Variants in RNF43 observed in about 807,000 individuals in gnomAD.
RNF43 encodes the protein E3 ubiquitin-protein ligase RNF43.
In RNF43, 37 loss-of-function variants were observed where a neutral mutation model predicts 78.4. The observed-to-expected ratio is 0.47, with a 90% CI of 0.36 to 0.62. The LOEUF (loss-of-function observed/expected upper bound fraction) is 0.62. Among genes scored for constraint, RNF43 ranks in the 20% least tolerant of loss-of-function variants. The probability of loss-of-function intolerance (pLI) is 0.00; values close to 1 mark genes in which losing one functional copy is unlikely to be tolerated. For missense variants in RNF43, 774 were observed against 1,007.9 expected (o/e 0.77, Z 3.14); for synonymous variants, 347 against 395.0 (o/e 0.88, Z 1.44).
In RNF43 at chr17:58,357,683, G is replaced by C. The variant is rs1972718234; in HGVS notation, c.2093C>G (p.Pro698Arg). The C allele has an allele frequency of 1.2e-6, 2 of 1,612,624 alleles. No individual in the cohort carries two copies. The highest frequency in any genetic ancestry group is 2.2e-5 in the South Asian group (2 of 90,952). Reference protein sequence around the residue: ...VAYPWSPEAHPLICGPPGLDK... With the variant: ...VAYPWSPEAHRLICGPPGLDK... ...CAGGCCTGGAGGTCCACAGATCAAGGGGTGTGCCTCTGGGGACCAAGGATA... is the reference window on the plus strand; with the variant it reads ...CAGGCCTGGAGGTCCACAGATCAAGCGGTGTGCCTCTGGGGACCAAGGATA... The change falls in exon 9 of 10, where the codon CCC becomes CGC. Residue 698 changes from proline to arginine, a missense_variant. Pro to Arg is a moderately radical substitution (Grantham distance 103). Transcript: ENST00000407977. This position sits in a 1 kb window ranked among gnomAD's most constrained non-coding sequence, Gnocchi z 4.5.
At chr17:58,356,794 T>G (rs1202899532) in intron 9 of RNF43, among the ~76,000 whole-genome samples, 3 of 152,096 alleles carry the variant, frequency 2.0e-5, no homozygotes, top group African/African-American at 4.8e-5. Context: ...GAACTAATAC[T>G]GAGCTGTGAG....
intron 9 of RNF43, among the ~76,000 whole-genome samples, chr17:58,356,783 A>G (rs1260408265): frequency 1.3e-5 from 2 of 151,856 alleles, no homozygotes; most frequent in Non-Finnish European, 2.9e-5. Context: ...CTTTGTATTT[A>G]GAACTAATAC....
intron 3 of RNF43, among the ~76,000 whole-genome samples, chr17:58,369,449 T>C (rs563972072): frequency 2.0e-5 from 3 of 152,232 alleles, no homozygotes; most frequent in Admixed American, 6.5e-5. Flanking sequence ...TGTTTCCTTG[T>C]GCCCAGGAGA....
At chr17:58,390,899 G>A (rs528911706) in intron 2 of RNF43, among the ~76,000 whole-genome samples, 1 of 152,290 alleles carries the variant, frequency 6.6e-6, no homozygotes, top group East Asian at 1.9e-4. Flanking sequence ...TCTCCACACT[G>A]CTGTTCTTTC....
At chr17:58,409,253 T>A (rs1973975741) in intron 2 of RNF43, among the ~76,000 whole-genome samples, 1 of 152,226 alleles carries the variant, frequency 6.6e-6, no homozygotes, top group African/African-American at 2.4e-5. Flanking sequence ...CACCTGTTCT[T>A]ACGTGGCTCC....
chr17:58,367,616 C>T (rs142328472), intron 3 of RNF43, among the ~76,000 whole-genome samples: 2 of 152,188 alleles, frequency 1.3e-5, no homozygotes, highest in Non-Finnish European at 2.9e-5. Context: ...TGCACTAGTT[C>T]AGGCATGAGG....
downstream of RNF43, chr17:58,353,651 A>C (rs1972615225): frequency 4.7e-6 from 1 of 210,580 alleles, no homozygotes; most frequent in Non-Finnish European, 9.7e-6. Flanking sequence ...GTCACGACAG[A>C]ACAAAACCAC....
chr17:58,416,298 T>G (rs887011433), intron 1 of RNF43: 1 of 152,222 alleles, frequency 6.6e-6, no homozygotes, highest in Non-Finnish European at 1.5e-5. Flanking sequence ...CATACCATAA[T>G]TTTTTGTGTT....
intron 2 of RNF43, among the ~76,000 whole-genome samples, chr17:58,384,540 T>A (rs1973391552): frequency 6.6e-6 from 1 of 152,246 alleles, no homozygotes; most frequent in South Asian, 2.1e-4. Context: ...AAGTGCTTTA[T>A]AATCCTTCAT....
intron 2 of RNF43, among the ~76,000 whole-genome samples, chr17:58,372,474 C>T (rs1436530158): frequency 6.6e-6 from 1 of 152,198 alleles, no homozygotes; most frequent in Non-Finnish European, 1.5e-5. Flanking sequence ...GTTGTTCTTA[C>T]ATCAGTGAAG....
Position 58,382,262 on chromosome 17 carries a change from C to A in RNF43, c.253-11229G>T, listed in dbSNP as rs1290716555. Among the ~76,000 whole-genome samples the A allele has an allele frequency of 1.2e-4, 18 of 152,258 alleles. No homozygotes were observed. In the South Asian group the frequency reaches 3.7e-3, roughly 32 times the overall value. The stretch of plus-strand genomic sequence containing the variant: ...AAGTAGAATCTGAGCTCCTTGAGGT[C>A]AGGGACTAGGTCTTATTCATCACTT... On this transcript the variant is annotated intron_variant, in intron 2 of 9. Transcript: ENST00000407977.
chr17:58,413,815 C>T (rs1271283713), intron 2 of RNF43, among the ~76,000 whole-genome samples: 1 of 151,956 alleles, frequency 6.6e-6, no homozygotes, highest in Non-Finnish European at 1.5e-5. Flanking sequence ...CATAATTAGC[C>T]CACTGAACAT....
Position 58,358,341 on chromosome 17 carries a change from C to G in RNF43, c.1435G>C (p.Val479Leu), listed in dbSNP as rs778187327. Residue 479 changes from valine to leucine, a missense_variant, in exon 9 of 10, where the codon GTG becomes CTG. By Grantham distance (32) the Val-to-Leu change is conservative (BLOSUM62 1). Coordinates refer to ENST00000407977, the MANE Select transcript of RNF43 (RefSeq NM_017763.6). The surrounding 1 kb of genome is among the most constrained non-coding windows in gnomAD (Gnocchi z 6.2). ...GPCHGSSSDS[V>L]VNCTDISLQG... is the part of the protein sequence containing the mutation. ...AGGCTGATGTCCGTGCAGTTGACCACAGAGTCACTGGAAGAGCCATGACAG... is the reference window on the plus strand; with the variant it reads ...AGGCTGATGTCCGTGCAGTTGACCAGAGAGTCACTGGAAGAGCCATGACAG... The G allele has an allele frequency of 6.2e-7, 1 of 1,614,186 alleles. No individual in the cohort carries two copies. The highest frequency in any genetic ancestry group is 8.5e-7 in the Non-Finnish European group (1 of 1,180,024).
rs2143396306 is a variant in RNF43 at position 58,357,862 on chromosome 17, A to G, written c.1914T>C (p.Ser638=). 5 of 1,613,722 alleles carry G rather than the reference A, an allele frequency of 3.1e-6. No homozygotes were observed. The highest frequency in any genetic ancestry group is 4.2e-6 in the Non-Finnish European group (5 of 1,179,914). Residue 638 remains serine, a synonymous_variant, in exon 9 of 10, where the codon AGT becomes AGC. Transcript: ENST00000407977. This position sits in a 1 kb window ranked among gnomAD's most constrained non-coding sequence, Gnocchi z 4.5. ...DASSICPSTS[S]LFNLQKSSLS... ...GGCTGGATTTTTGCAAGTTGAACAG[A>G]CTGCTGGTACTGGGGCAGATGCTGG...
chr17:58,381,836 T>G (rs1383322184), intron 2 of RNF43, among the ~76,000 whole-genome samples: 1 of 152,152 alleles, frequency 6.6e-6, no homozygotes, highest in East Asian at 1.9e-4. Flanking sequence ...GATGGGAAAA[T>G]AGCTTGGTTC....
intron 2 of RNF43, among the ~76,000 whole-genome samples, chr17:58,378,860 G>A (rs557491452): frequency 3.9e-5 from 6 of 152,286 alleles, no homozygotes; most frequent in Non-Finnish European, 5.9e-5. Flanking sequence ...AACTCCAGTC[G>A]GGGGCTCTGC....
chr17:58,361,001 G>C, intron 6 of RNF43, 57 bp from the exon 7 acceptor site: 3 of 1,481,312 alleles, frequency 2.0e-6, no homozygotes, highest in Non-Finnish European at 2.7e-6. Context: ...CTCCCTCTCT[G>C]GACCCAAGCT....
rs575369309 is a variant in RNF43 at position 58,354,395 on chromosome 17, C to G, written c.*548G>C. The G allele has an allele frequency of 8.7e-6, 2 of 228,654 alleles. No homozygotes were observed. Among genetic ancestry groups the G allele is most frequent in the East Asian group, 1.3e-4 (2 of 15,636 alleles). The allele number at this position is 228,654 out of a possible 1,614,324, so 14.2% of individuals were successfully genotyped here. ...TAGTGCTCAGGGCTCACCTATGCTA[C>G]TGGTCCTTTTGGCAAAAAAGGAAAA... On this transcript the variant is annotated 3_prime_UTR_variant, in exon 10 of 10. Transcript: ENST00000407977.
At position 58,415,675 on chromosome 17, in the gene RNF43, C is replaced by T; in HGVS notation, c.-98G>A. On this transcript the variant is annotated 5_prime_UTR_variant, in exon 2 of 10. An upstream start codon of the reference 5' UTR is lost. Coordinates refer to ENST00000407977, the MANE Select transcript of RNF43 (RefSeq NM_017763.6). The stretch of plus-strand genomic sequence containing the variant: ...GATCCAGACAAATGGAGGAAAAGAA[C>T]ATTTATGCTTCCGTTTCAGAAAGCC... 1 of 1,390,314 alleles carries T rather than the reference C, an allele frequency of 7.2e-7. No individual in the cohort carries two copies. The highest frequency in any genetic ancestry group is 1.3e-5 in the South Asian group (1 of 77,428). 86.1% of individuals were successfully genotyped at this position (1,390,314 alleles called of 1,614,324 possible). A position where few individuals can be genotyped will look rare whatever the true frequency, so the allele number is the denominator to read the frequency against.
Sources: allele counts gnomAD v4.1 joint callset (sites outside exome capture counted in the v4.1 genomes callset), GRCh38; gene constraint gnomAD v4.1.1; non-coding constraint Gnocchi (gnomAD v3.1); transcripts MANE v1.5; gene names NCBI Gene and HGNC (gene_info 2026-07-23, HGNC 2026-07-21).